The following ODF2L variants were observed in gnomAD, a reference collection of about 807,000 sequenced individuals.
ODF2L encodes outer dense fiber of sperm tails 2 like, also known as protein BCAP.
ODF2L carries 76 observed loss-of-function variants against 86.3 expected under a neutral mutation model. The observed-to-expected ratio is 0.88, with a 90% CI of 0.73 to 1.07. ODF2L has a LOEUF of 1.07. Ranked by LOEUF, ODF2L falls within the 50% of genes least tolerant of loss-of-function variation. The pLI is 0.00. For synonymous variants in ODF2L, 241 were observed against 231.3 expected (o/e 1.04, Z -0.38); for missense variants, 748 against 717.4 (o/e 1.04, Z -0.49).
chr1:86,381,866 T>C (rs1050009681), intron 7 of ODF2L: 1 of 157,224 alleles, frequency 6.4e-6, no homozygotes, highest in African/African-American at 2.4e-5. Flanking sequence ...TATGTATATA[T>C]GTATAGATGG....
chr1:86,355,347 A>T, intron 14 of ODF2L: 1 of 1,534,040 alleles, frequency 6.5e-7, no homozygotes, highest in Non-Finnish European at 8.8e-7. Context: ...ACACTCACCC[A>T]TGCCAAGACA....
chr1:86,366,686 A>T (rs1227549318), intron 11 of ODF2L, among the ~76,000 whole-genome samples: 1 of 152,098 alleles, frequency 6.6e-6, no homozygotes, highest in African/African-American at 2.4e-5. Context: ...GTATTTTCAG[A>T]TATTTGATGA....
At chr1:86,371,224 G>T in intron 9 of ODF2L, 71 bp from the exon 10 acceptor site, 2 of 798,900 alleles carry the variant, frequency 2.5e-6, no homozygotes, top group Non-Finnish European at 3.7e-6. Flanking sequence ...TTTTAAGTGT[G>T]TTTCTGAAAT....
intron 1 of ODF2L, among the ~76,000 whole-genome samples, chr1:86,390,456 G>A (rs941640133): frequency 1.3e-5 from 2 of 151,940 alleles, no homozygotes; most frequent in Non-Finnish European, 2.9e-5. Flanking sequence ...CTAGCTCACC[G>A]AATTCAACAT....
At chr1:86,358,133 TA>T (rs1658734711) in intron 13 of ODF2L, 1 of 974,656 alleles carries the variant, frequency 1.0e-6, no homozygotes, top group African/African-American at 1.8e-5. Flanking sequence ...CCAGAGAGAG[TA>T]ACCTTATTAG....
At chr1:86,374,355 A>G (rs965196198) in intron 8 of ODF2L, among the ~76,000 whole-genome samples, 5 of 152,196 alleles carry the variant, frequency 3.3e-5, no homozygotes, top group Admixed American at 2.0e-4. Flanking sequence ...TGTTAGCAAT[A>G]TAATTATTAC....
At chr1:86,367,281 G>A (rs1659506160) in intron 11 of ODF2L, among the ~76,000 whole-genome samples, 1 of 152,100 alleles carries the variant, frequency 6.6e-6, no homozygotes, top group African/African-American at 2.4e-5. Flanking sequence ...AGACATGTAA[G>A]ACTATTTTAA....
rs776637760 is a variant in ODF2L, at chr1:86,384,680, T to C, written c.368A>G (p.Lys123Arg). Reference sequence around the variant, plus strand: ...TGCTTAGTGTTGATGCCTTACTTGTTTGTAGTCTCTCTTTCTAAGAAGATG... The same window carrying C: ...TGCTTAGTGTTGATGCCTTACTTGTCTGTAGTCTCTCTTTCTAAGAAGATG... The change falls in exon 4 of 18, where the codon AAA (lysine) becomes AGA (arginine). Residue 123 changes from lysine (K) to arginine (R), a missense_variant. Transcript: ENST00000317336. 26 of 1,474,168 alleles carry C rather than the reference T, an allele frequency of 1.8e-5. No individual in the cohort carries two copies. Among genetic ancestry groups the C allele is most frequent in the Non-Finnish European group, 2.2e-5 (24 of 1,111,334 alleles). The allele number at this position is 1,474,168 out of a possible 1,614,324, so 91.3% of individuals were successfully genotyped here. A position where few individuals can be genotyped will look rare whatever the true frequency, so the allele number is the denominator to read the frequency against.
At chr1:86,354,997 G>A in intron 14 of ODF2L, 138 bp from the exon 14 acceptor site, 2 of 568,616 alleles carry the variant, frequency 3.5e-6, no homozygotes, top group Non-Finnish European at 6.2e-6. Flanking sequence ...AAGACACCAA[G>A]AAAATGTTAT....
At chr1:86,350,970 T>A (rs1199548179) in exon 18 of ODF2L, 2 of 152,190 alleles carry the variant, frequency 1.3e-5, no homozygotes, top group Non-Finnish European at 2.9e-5. Flanking sequence ...TTTGTTTAAG[T>A]TCTTTGTAGA....
At chr1:86,368,749 T>C in intron 10 of ODF2L, 30 of 1,349,652 alleles carry the variant, frequency 2.2e-5, no homozygotes, top group Non-Finnish European at 2.9e-5. Context: ...AAAAAGTTTA[T>C]GTATGAAAAT....
At chr1:86,355,020 G>T (rs2100749889) in intron 14 of ODF2L, 161 bp from the exon 14 acceptor site, 1 of 546,046 alleles carries the variant, frequency 1.8e-6, no homozygotes, top group Non-Finnish European at 3.2e-6. Context: ...TGTTAAAATG[G>T]AAGTTTTAAA....
chr1:86,358,078 A>G lies in ODF2L; in HGVS notation c.1359+709T>C, dbSNP rs908996714. On this transcript the variant is annotated intron_variant, in intron 13 of 17. Transcript: ENST00000317336. Reference sequence around the variant, plus strand: ...TTGCTCTGGCTGACCTCTTCTTCACATTATTGCCTTGCTCTGACTTCTCAA... The same window carrying G: ...TTGCTCTGGCTGACCTCTTCTTCACGTTATTGCCTTGCTCTGACTTCTCAA... 14 of 985,420 alleles carry G rather than the reference A, an allele frequency of 1.4e-5. No individual in the cohort carries two copies. In the African/African-American group the frequency reaches 1.7e-4, roughly 12 times the overall value. The allele number at this position is 985,420 out of a possible 1,614,324, so 61.0% of individuals were successfully genotyped here.
At chr1:86,360,305 A>AT in intron 12 of ODF2L, 121 bp downstream of exon 11, 1 of 560,410 alleles carries the variant, frequency 1.8e-6, no homozygotes, top group Non-Finnish European at 3.2e-6. Flanking sequence ...GAGACACACC[A>AT]TATTATAACC....
chr1:86,353,556 T>C (rs960503764), intron 16 of ODF2L, among the ~76,000 whole-genome samples: 1 of 152,206 alleles, frequency 6.6e-6, no homozygotes, highest in Non-Finnish European at 1.5e-5. Context: ...GAATCAGATA[T>C]GTTTCCTTCT....
At chr1:86,388,424 T>C (rs1661091772) in intron 1 of ODF2L, among the ~76,000 whole-genome samples, 1 of 152,106 alleles carries the variant, frequency 6.6e-6, no homozygotes, top group South Asian at 2.1e-4. Flanking sequence ...ATTTGTCATA[T>C]TTGTCTCTCT....
chr1:86,378,102 T>G (rs1660303308), intron 7 of ODF2L, among the ~76,000 whole-genome samples: 3 of 152,226 alleles, frequency 2.0e-5, no homozygotes, highest in Non-Finnish European at 4.4e-5. Context: ...ATATCTTGAA[T>G]GTTTTTCTGA....
At chr1:86,353,508 T>C (rs1013586410) in intron 16 of ODF2L, among the ~76,000 whole-genome samples, 1 of 152,182 alleles carries the variant, frequency 6.6e-6, no homozygotes, top group Non-Finnish European at 1.5e-5. Context: ...TGGTTACTTA[T>C]TTTAGCAGGA....
At position 86,364,467 on chromosome 1, in the gene ODF2L, T is replaced by C. The variant is rs80131421; in HGVS notation, c.1144-3931A>G. Among the ~76,000 whole-genome samples, 31 of 152,280 alleles carry C rather than the reference T, an allele frequency of 2.0e-4. No individual in the cohort carries two copies. The East Asian group carries it at 2.5e-3, about 12-fold the overall frequency. On this transcript the variant is annotated intron_variant, in intron 11 of 17. Transcript: ENST00000317336. ...CCAATGTGTAAGAACAGGAGAACTATAGGAGTAGATGCAGAAAACATAAAA... is the reference window on the plus strand; with the variant it reads ...CCAATGTGTAAGAACAGGAGAACTACAGGAGTAGATGCAGAAAACATAAAA...
Sources: allele counts gnomAD v4.1 joint callset (sites outside exome capture counted in the v4.1 genomes callset), GRCh38; gene constraint gnomAD v4.1.1; transcripts MANE v1.5; gene names NCBI Gene and HGNC (gene_info 2026-07-23, HGNC 2026-07-21).